Variants in FMN1 observed in about 807,000 individuals in gnomAD.
FMN1 encodes the protein formin-1.
A neutral mutation model predicts 132.4 loss-of-function variants in FMN1; 110 were observed. The ratio of observed to expected loss-of-function variants is 0.83; its 90% CI spans 0.71 to 0.97. The LOEUF is 0.97. FMN1 is among the 50% of genes least tolerant of loss of function. FMN1 has a pLI of 0.00. For synonymous variants in FMN1, 722 were observed against 651.7 expected, an observed-to-expected ratio of 1.11 and a Z score of -1.64; for missense variants, 1,792 against 1,705.3, an observed-to-expected ratio of 1.05 and a Z score of -0.90.
intron 17 of FMN1, among the ~76,000 whole-genome samples, chr15:32,851,699 C>G (rs1029398780): frequency 6.6e-6 from 1 of 152,040 alleles, no homozygotes; most frequent in African/African-American, 2.4e-5. Flanking sequence ...TCAAATAACA[C>G]TATATAAGGA....
chr15:33,066,379 A>G (rs1293827393), intron 5 of FMN1: 2 of 800,024 alleles, frequency 2.5e-6, no homozygotes, highest in African/African-American at 1.7e-5. Context: ...AGGACAATAT[A>G]ATTTGACTAT....
At position 32,768,816 on chromosome 15, in the gene FMN1, G is replaced by T. The variant is rs1293177286; in HGVS notation, c.*5494C>A. ...ATAGAAAATTACATAAGCGTAGAGG[G>T]AATGTAGAAAAATAAATTGATGGCT... On this transcript the variant is annotated 3_prime_UTR_variant, in exon 21 of 21. Coordinates refer to ENST00000616417, the MANE Select transcript of FMN1 (RefSeq NM_001277313.2). 2 of 152,170 alleles carry T rather than the reference G, an allele frequency of 1.3e-5. No individual in the cohort carries two copies. The highest frequency in any genetic ancestry group is 6.5e-5 in the Admixed American group (1 of 15,274). The allele number at this position is 152,170 out of a possible 1,614,324, so 9.4% of individuals were successfully genotyped here. A position where few individuals can be genotyped will look rare whatever the true frequency, so the allele number is the denominator to read the frequency against.
At chr15:32,962,440 T>G (rs1040745181) in intron 9 of FMN1, among the ~76,000 whole-genome samples, 7 of 151,930 alleles carry the variant, frequency 4.6e-5, no homozygotes, top group African/African-American at 1.7e-4. Flanking sequence ...GGGCAACGAC[T>G]TCATGTCTAA....
intron 12 of FMN1, among the ~76,000 whole-genome samples, chr15:32,905,802 T>C (rs1044779006): frequency 9.2e-5 from 14 of 152,176 alleles, no homozygotes; most frequent in South Asian, 2.1e-4. Context: ...GGCAAATAAG[T>C]TGCCAGAGAA....
chr15:32,784,466 A>AC (rs1164029144), intron 19 of FMN1, among the ~76,000 whole-genome samples: 8 of 152,202 alleles, frequency 5.3e-5, no homozygotes, highest in Admixed American at 2.6e-4. Flanking sequence ...TTCAGGAGAA[A>AC]GACAACAGAA....
intron 7 of FMN1, among the ~76,000 whole-genome samples, chr15:32,976,596 G>C (rs1251379169): frequency 1.3e-5 from 2 of 152,220 alleles, no homozygotes; most frequent in Non-Finnish European, 2.9e-5. Flanking sequence ...GTCCTTATCA[G>C]AAATGTAAGC....
chr15:33,109,141 A>G (rs1199085829), intron 4 of FMN1, among the ~76,000 whole-genome samples: 2 of 152,160 alleles, frequency 1.3e-5, no homozygotes, highest in Non-Finnish European at 2.9e-5. Flanking sequence ...GACTCTATTC[A>G]AGACAAAGAT....
intron 9 of FMN1, among the ~76,000 whole-genome samples, chr15:32,937,628 A>AGTGGCT (rs1371003120): frequency 6.6e-6 from 1 of 152,228 alleles, no homozygotes; most frequent in Non-Finnish European, 1.5e-5. Context: ...AGAAGACAAA[A>AGTGGCT]GTGGCTGGGT....
At chr15:32,884,854 C>G (rs1452828648) in intron 16 of FMN1, among the ~76,000 whole-genome samples, 1 of 152,182 alleles carries the variant, frequency 6.6e-6, no homozygotes, top group African/African-American at 2.4e-5. Flanking sequence ...AGCACAAGTG[C>G]TCTGTGAATT....
intron 9 of FMN1, among the ~76,000 whole-genome samples, chr15:32,944,587 T>G (rs1022162474): frequency 1.3e-5 from 2 of 152,198 alleles, no homozygotes; most frequent in Non-Finnish European, 2.9e-5. Flanking sequence ...ACTTTAAGGA[T>G]CTAGGCTCTT....
chr15:33,094,014 A>G (rs1221774766), intron 4 of FMN1, among the ~76,000 whole-genome samples: 2 of 152,228 alleles, frequency 1.3e-5, no homozygotes, highest in African/African-American at 4.8e-5. Context: ...CAAAGGCAGA[A>G]CTAAAATCTA....
At chr15:33,021,487 G>A (rs2035414757) in intron 6 of FMN1, among the ~76,000 whole-genome samples, 1 of 152,070 alleles carries the variant, frequency 6.6e-6, no homozygotes, top group Admixed American at 6.5e-5. Flanking sequence ...AAGGAAAGAG[G>A]ATAAAATGGG....
intron 5 of FMN1, among the ~76,000 whole-genome samples, chr15:33,071,919 T>C (rs1032352822): frequency 3.9e-5 from 6 of 152,234 alleles, no homozygotes; most frequent in African/African-American, 1.4e-4. Flanking sequence ...TATCTCAGTA[T>C]CTATGTGCTG....
chr15:32,925,538 GA>G (rs1271544862), intron 10 of FMN1, among the ~76,000 whole-genome samples: 2 of 152,068 alleles, frequency 1.3e-5, no homozygotes, highest in Non-Finnish European at 2.9e-5. Context: ...TACAAAAGGG[GA>G]AAAAATGGAG....
At chr15:33,018,823 A>C (rs2035237172) in intron 6 of FMN1, among the ~76,000 whole-genome samples, 1 of 152,094 alleles carries the variant, frequency 6.6e-6, no homozygotes, top group Non-Finnish European at 1.5e-5. Context: ...GTGAATCTGC[A>C]TACCTTCGCG....
At chr15:32,821,202 A>C (rs565332404) in intron 17 of FMN1, among the ~76,000 whole-genome samples, 2 of 151,932 alleles carry the variant, frequency 1.3e-5, no homozygotes, top group African/African-American at 4.8e-5. Context: ...TCAGGTTTAA[A>C]TGAGTCATTT....
intron 5 of FMN1, among the ~76,000 whole-genome samples, chr15:33,073,298 G>C (rs1035603202): frequency 2.6e-5 from 4 of 152,178 alleles, no homozygotes; most frequent in African/African-American, 9.7e-5. Flanking sequence ...TTCTGGGCCT[G>C]ATTTTAATGA....
chr15:32,843,120 T>G (rs1311882915), intron 17 of FMN1, among the ~76,000 whole-genome samples: 1 of 133,484 alleles, frequency 7.5e-6, no homozygotes, highest in African/African-American at 2.7e-5. Context: ...AGAGCGAAAC[T>G]CTGTCTCAAA....
At chr15:32,876,263 GAT>G (rs2059635173) in intron 16 of FMN1, among the ~76,000 whole-genome samples, 1 of 152,132 alleles carries the variant, frequency 6.6e-6, no homozygotes, top group African/African-American at 2.4e-5. Flanking sequence ...TGGTAAACCA[GAT>G]ATATGACTGT....
Sources: allele counts gnomAD v4.1 joint callset (sites outside exome capture counted in the v4.1 genomes callset), GRCh38; gene constraint gnomAD v4.1.1; transcripts MANE v1.5; gene names NCBI Gene and HGNC (gene_info 2026-07-23, HGNC 2026-07-21).